The following SH3PXD2B variants were observed in gnomAD, a reference collection of about 807,000 sequenced individuals.
The protein encoded by SH3PXD2B is SH3 and PX domain-containing protein 2B.
Under a neutral mutation model 73.1 loss-of-function variants are expected in SH3PXD2B, and 37 were observed. That is an observed-to-expected ratio of 0.51 (90% CI 0.39 to 0.67). The LOEUF is 0.67. SH3PXD2B is among the 30% of genes least tolerant of loss of function. The pLI is 0.00. For missense variants in SH3PXD2B, 1,053 were observed against 1,197.8 expected (o/e 0.88, Z 1.78); for synonymous variants, 457 against 480.5 (o/e 0.95, Z 0.64).
chr5:172,348,667 C>CTTATCT (rs1258620563), intron 10 of SH3PXD2B, among the ~76,000 whole-genome samples: 10 of 26,278 alleles, frequency 3.8e-4, no homozygotes, highest in South Asian at 3.3e-3. Flanking sequence ...ATCTATCTAT[C>CTTATCT]TATCTATCTA....
At chr5:172,432,299 T>C (rs1759266755) in intron 1 of SH3PXD2B, among the ~76,000 whole-genome samples, 1 of 151,890 alleles carries the variant, frequency 6.6e-6, no homozygotes, top group Admixed American at 6.6e-5. Flanking sequence ...CACAGCCATC[T>C]TGCGTTTAGG....
At chr5:172,389,908 G>T (rs753322283) in intron 4 of SH3PXD2B, among the ~76,000 whole-genome samples, 2 of 148,538 alleles carry the variant, frequency 1.3e-5, no homozygotes, top group African/African-American at 2.6e-5. Flanking sequence ...GTAGAGATGG[G>T]GGTCTCACTA....
intron 2 of SH3PXD2B, among the ~76,000 whole-genome samples, chr5:172,419,013 G>A (rs1049018778): frequency 1.3e-5 from 2 of 152,134 alleles, no homozygotes; most frequent in Admixed American, 1.3e-4. Flanking sequence ...GACAGCTAAC[G>A]CGCTTACTGA....
intron 1 of SH3PXD2B, among the ~76,000 whole-genome samples, chr5:172,440,824 A>G (rs1759537640): frequency 6.6e-6 from 1 of 152,192 alleles, no homozygotes; most frequent in Non-Finnish European, 1.5e-5. Flanking sequence ...TTCAATCCCA[A>G]CTACAAGACT....
chr5:172,362,541 A>G (rs889170959), intron 7 of SH3PXD2B, among the ~76,000 whole-genome samples, 194 bp downstream of exon 7: 8 of 152,186 alleles, frequency 5.3e-5, no homozygotes, highest in Non-Finnish European at 8.8e-5. Flanking sequence ...CAAAAGGATA[A>G]TGGTGAGTGG....
intron 2 of SH3PXD2B, among the ~76,000 whole-genome samples, chr5:172,410,099 A>G (rs537173676): frequency 1.3e-5 from 2 of 152,360 alleles, no homozygotes; most frequent in East Asian, 1.9e-4. Context: ...TAGAGCTGCA[A>G]TCAACATGGG....
At chr5:172,408,534 C>CTATTTTTTTTT (rs1758615812) in intron 2 of SH3PXD2B, among the ~76,000 whole-genome samples, 1 of 92,670 alleles carries the variant, frequency 1.1e-5, no homozygotes, top group African/African-American at 5.0e-5. Context: ...TGGGTTATCA[C>CTATTTTTTTTT]TTTTTTTTTT....
chr5:172,436,719 G>T (rs1201981705), intron 1 of SH3PXD2B, among the ~76,000 whole-genome samples: 1 of 152,208 alleles, frequency 6.6e-6, no homozygotes, highest in African/African-American at 2.4e-5. Context: ...TGCACGGAGG[G>T]GCTAGGGCTT....
chr5:172,394,579 A>G lies in SH3PXD2B; in HGVS notation c.293T>C (p.Ile98Thr). 3.1e-6 allele frequency: 5 copies of G among 1,614,142 alleles called. No homozygotes were observed. Among genetic ancestry groups the G allele is most frequent in the African/African-American group, 1.3e-5 (1 of 75,060 alleles). Residue 98 changes from isoleucine (I) to threonine (T), a missense_variant, in exon 4 of 13, where the codon ATT becomes ACT. Transcript: ENST00000311601. ...RDVAVKRLIP[I>T]DEYCKALIQL... ...CAGCCTTACCTTACAGTATTCATCA[A>G]TTGGTATCAGGCGTTTGACAGCCAC...
chr5:172,361,473 C>G (rs931839028), intron 7 of SH3PXD2B, among the ~76,000 whole-genome samples: 1 of 152,196 alleles, frequency 6.6e-6, no homozygotes, highest in Non-Finnish European at 1.5e-5. Context: ...TCTGGACATA[C>G]CAACACTCTT....
chr5:172,334,104 TAAG>T lies in SH3PXD2B; in HGVS notation c.*4262_*4264del. The T allele has an allele frequency of 8.9e-7, 1 of 1,121,676 alleles. No individual in the cohort carries two copies. Among genetic ancestry groups the T allele is most frequent in the Middle Eastern group, 4.1e-4 (1 of 2,436 alleles). The allele number at this position is 1,121,676 out of a possible 1,614,324, so 69.5% of individuals were successfully genotyped here. A position where few individuals can be genotyped will look rare whatever the true frequency, so the allele number is the denominator to read the frequency against. ...TGAGCCCCTCATCCCTGATTGGAGCTAAGAAGGCTTACTTTGGAGTCGAGGATA... is the reference window on the plus strand; with the variant it reads ...TGAGCCCCTCATCCCTGATTGGAGCTAAGGCTTACTTTGGAGTCGAGGATA... On this transcript the variant is annotated 3_prime_UTR_variant, in exon 13 of 13. Transcript: ENST00000311601.
intron 1 of SH3PXD2B, among the ~76,000 whole-genome samples, chr5:172,452,835 C>G (rs1759827932): frequency 6.6e-6 from 1 of 150,934 alleles, no homozygotes; most frequent in Admixed American, 6.6e-5. Flanking sequence ...CATTTGAAAA[C>G]AGTTAACAAA....
chr5:172,414,212 T>C (rs973132850), intron 2 of SH3PXD2B, among the ~76,000 whole-genome samples: 2 of 152,298 alleles, frequency 1.3e-5, no homozygotes, highest in East Asian at 3.9e-4. Flanking sequence ...CTCACGCCTG[T>C]AATCCCAGCA....
chr5:172,442,733 A>G (rs553630498), intron 1 of SH3PXD2B, among the ~76,000 whole-genome samples: 1 of 152,338 alleles, frequency 6.6e-6, no homozygotes, highest in Admixed American at 6.5e-5. Flanking sequence ...AAAGATAATA[A>G]TAACAGGTAA....
intron 5 of SH3PXD2B, among the ~76,000 whole-genome samples, chr5:172,377,192 A>T (rs913760658): frequency 6.6e-6 from 1 of 152,122 alleles, no homozygotes; most frequent in Non-Finnish European, 1.5e-5. Context: ...CAGGTGGGTC[A>T]TCTTCTTGGT....
At chr5:172,413,420 C>T (rs183902548) in intron 2 of SH3PXD2B, among the ~76,000 whole-genome samples, 2 of 152,354 alleles carry the variant, frequency 1.3e-5, no homozygotes, top group East Asian at 3.9e-4. Context: ...TAAGTCCAGG[C>T]CTGTATTTTC....
At chr5:172,358,901 G>T in intron 7 of SH3PXD2B, 24 bp from the exon 8 acceptor site, 1 of 1,606,206 alleles carries the variant, frequency 6.2e-7, no homozygotes, top group South Asian at 1.1e-5. Flanking sequence ...AGTGCAGAAT[G>T]ATGTTAGTTG....
At chr5:172,443,586 G>T (rs1349626997) in intron 1 of SH3PXD2B, among the ~76,000 whole-genome samples, 1 of 152,250 alleles carries the variant, frequency 6.6e-6, no homozygotes, top group Non-Finnish European at 1.5e-5. Context: ...GGACAAGACT[G>T]TGCTTGGTCA....
In SH3PXD2B at chr5:172,339,621, A is replaced by G; in HGVS notation, c.1484T>C (p.Leu495Pro). Residue 495 changes from leucine (L) to proline (P), a missense_variant, in exon 13 of 13, where the codon CTG becomes CCG. Leu to Pro is a moderately conservative substitution (Grantham distance 98). Transcript: ENST00000311601. The surrounding 1 kb of genome is among the most constrained non-coding windows in gnomAD (Gnocchi z 6.1). ...SKDWKGSKDV[L>P]RKASSDMSAS... The stretch of plus-strand genomic sequence containing the variant: ...AGACATGTCTGAAGATGCCTTCCTC[A>G]GGACATCCTTACTGCCCTTCCAGTC... 1.2e-6 allele frequency: 2 copies of G among 1,614,246 alleles called. No individual in the cohort carries two copies. The highest frequency in any genetic ancestry group is 1.7e-6 in the Non-Finnish European group (2 of 1,180,050).
Sources: allele counts gnomAD v4.1 joint callset (sites outside exome capture counted in the v4.1 genomes callset), GRCh38; gene constraint gnomAD v4.1.1; non-coding constraint Gnocchi (gnomAD v3.1); transcripts MANE v1.5; gene names NCBI Gene and HGNC (gene_info 2026-07-23, HGNC 2026-07-21).